The following LRP1B variants were observed in gnomAD, a reference collection of about 807,000 sequenced individuals.
The protein encoded by LRP1B is low-density lipoprotein receptor-related protein 1B.
A neutral mutation model predicts 556.6 loss-of-function variants in LRP1B; 217 were observed. That is an observed-to-expected ratio of 0.39 (90% CI 0.35 to 0.44). The LOEUF (loss-of-function observed/expected upper bound fraction) is 0.44, where lower values mean the gene tolerates loss of function less well. Ranked by LOEUF, LRP1B falls within the 20% of genes least tolerant of loss-of-function variation. The pLI, the probability that LRP1B is intolerant of heterozygous loss-of-function variation, is 1.00. For missense variants in LRP1B, 5,053 were observed against 5,620.8 expected (o/e 0.90, Z 3.23); for synonymous variants, 2,047 against 1,865.8 (o/e 1.10, Z -2.50).
At chr2:141,066,185 A>G (rs1482532333) in intron 7 of LRP1B, among the ~76,000 whole-genome samples, 1 of 151,990 alleles carries the variant, frequency 6.6e-6, no homozygotes, top group East Asian at 1.9e-4. Context: ...ATTTTTAATT[A>G]TTCATCCTGT....
At chr2:140,833,694 A>T (rs1029954054) in intron 31 of LRP1B, among the ~76,000 whole-genome samples, 5 of 152,110 alleles carry the variant, frequency 3.3e-5, no homozygotes, top group African/African-American at 1.2e-4. Context: ...GACTTACTGT[A>T]TATACATATA....
chr2:141,788,759 A>G lies in LRP1B; in HGVS notation c.205+21520T>C, dbSNP rs544282291. 1.8e-3 allele frequency among the ~76,000 whole-genome samples: 270 copies of G among 146,654 alleles called. 2 individuals are homozygous for G. The highest frequency in any genetic ancestry group is 5.6e-3 in the African/African-American group (221 of 39,322). On this transcript the variant is annotated intron_variant, in intron 2 of 90. Coordinates refer to ENST00000389484, the MANE Select transcript of LRP1B (RefSeq NM_018557.3). Reference sequence around the variant, plus strand: ...TGTGTCCATGTGTTCTCACTGTTCAATTCCCACCTATGAGCGAGAACATGC... The same window carrying G: ...TGTGTCCATGTGTTCTCACTGTTCAGTTCCCACCTATGAGCGAGAACATGC...
chr2:141,154,050 G>T (rs1270217325), intron 7 of LRP1B, among the ~76,000 whole-genome samples: 9 of 151,760 alleles, frequency 5.9e-5, no homozygotes, highest in African/African-American at 2.2e-4. Context: ...GAGGAGAGAG[G>T]TCTGCTATGT....
chr2:140,392,771 GTTTTA>G (rs1684078982), intron 66 of LRP1B, among the ~76,000 whole-genome samples: 1 of 152,006 alleles, frequency 6.6e-6, no homozygotes, highest in African/African-American at 2.4e-5. Flanking sequence ...AGTGCCAAAG[GTTTTA>G]TTTTAATCTG....
At chr2:140,239,388 C>T (rs186848555) in intron 88 of LRP1B, 54 bp downstream of exon 88, 2 of 1,084,116 alleles carry the variant, frequency 1.8e-6, no homozygotes, top group South Asian at 3.0e-5. Flanking sequence ...TATGTTTCTG[C>T]ACCTAGTTGT....
chr2:141,034,855 G>A (rs1325589644), intron 11 of LRP1B, among the ~76,000 whole-genome samples: 3 of 151,522 alleles, frequency 2.0e-5, no homozygotes, highest in Non-Finnish European at 4.4e-5. Flanking sequence ...TCCCATTACT[G>A]GGTATATACC....
intron 10 of LRP1B, among the ~76,000 whole-genome samples, chr2:141,051,083 T>C (rs1699021684): frequency 2.0e-5 from 3 of 152,028 alleles, no homozygotes; most frequent in African/African-American, 7.2e-5. Context: ...TGAGATACTA[T>C]CTCGCACCAG....
At chr2:141,764,457 C>T (rs1246563090) in intron 2 of LRP1B, among the ~76,000 whole-genome samples, 1 of 152,208 alleles carries the variant, frequency 6.6e-6, no homozygotes, top group African/African-American at 2.4e-5. Flanking sequence ...GCTGGGATTA[C>T]AGGCGTGAGC....
chr2:140,769,424 A>G, intron 34 of LRP1B, 80 bp from the exon 35 acceptor site: 2 of 1,344,420 alleles, frequency 1.5e-6, no homozygotes, highest in Non-Finnish European at 2.0e-6. Flanking sequence ...CATTTGTATT[A>G]TTTTTAACAA....
chr2:140,448,683 T>C (rs1686765857), intron 63 of LRP1B, among the ~76,000 whole-genome samples: 1 of 152,044 alleles, frequency 6.6e-6, no homozygotes, highest in Non-Finnish European at 1.5e-5. Flanking sequence ...AAGAGATCTA[T>C]TGTACATCTT....
Position 140,702,490 on chromosome 2 carries a change from T to C in LRP1B, c.6087A>G (p.Ser2029=), listed in dbSNP as rs755815861. The change falls in exon 38 of 91, where the codon TCA becomes TCG. Residue 2029 remains serine, a synonymous_variant. Transcript: ENST00000389484. The part of the protein sequence containing the change: ...PCIGKARLDG[S]EKVVLVSMGI... ...CCATGCTTACAAGGACAACCTTCTC[T>C]GAGCCATCCAAGCGAGCCTTTCCAA... 1.2e-6 allele frequency: 2 copies of C among 1,613,562 alleles called. No homozygotes were observed. The highest frequency in any genetic ancestry group is 2.2e-5 in the South Asian group (2 of 91,082).
chr2:141,720,027 A>C (rs899949539), intron 2 of LRP1B, among the ~76,000 whole-genome samples: 5 of 152,146 alleles, frequency 3.3e-5, no homozygotes, highest in Non-Finnish European at 5.9e-5. Flanking sequence ...AAAGGTATTC[A>C]TTAAAGAAGC....
rs1558885385 is a variant in LRP1B, at chr2:140,442,500, T to C, written c.10414+4A>G. ...AGATAAGACCCAGAGTCACAGACAC[T>C]CACCGCAGTTGGCCTCGTCTGATGC... On this transcript the variant is annotated splice_donor_region_variant and intron_variant, in intron 66 of 90. Transcript: ENST00000389484. 1 of 1,610,810 alleles carries C rather than the reference T, an allele frequency of 6.2e-7. No homozygotes were observed. The highest frequency in any genetic ancestry group is 1.7e-5 in the Admixed American group (1 of 59,396).
intron 18 of LRP1B, among the ~76,000 whole-genome samples, chr2:140,959,538 AT>A (rs1008433106): frequency 2.0e-5 from 3 of 151,710 alleles, no homozygotes. Flanking sequence ...ATGAATTTAG[AT>A]TTTTTATCCC....
chr2:141,827,027 G>A (rs940224871), intron 1 of LRP1B, among the ~76,000 whole-genome samples: 84 of 152,172 alleles, frequency 5.5e-4, no homozygotes, highest in African/African-American at 1.9e-3. Flanking sequence ...GAGATGCTAG[G>A]AAAAATTCTA....
At chr2:140,519,987 G>C (rs1175099049) in intron 49 of LRP1B, among the ~76,000 whole-genome samples, 1 of 152,176 alleles carries the variant, frequency 6.6e-6, no homozygotes. Context: ...AGGATGTGGA[G>C]AAATAGGAAT....
At chr2:142,062,366 G>A (rs1231516024) in intron 1 of LRP1B, among the ~76,000 whole-genome samples, 2 of 151,816 alleles carry the variant, frequency 1.3e-5, no homozygotes, top group African/African-American at 4.8e-5. Flanking sequence ...AAATAAATCT[G>A]CAAGGTCTTT....
intron 7 of LRP1B, among the ~76,000 whole-genome samples, chr2:141,143,169 T>A (rs971697499): frequency 1.3e-5 from 2 of 152,126 alleles, no homozygotes; most frequent in African/African-American, 4.8e-5. Flanking sequence ...GACCTCGTGA[T>A]CCACCCCACT....
intron 2 of LRP1B, among the ~76,000 whole-genome samples, chr2:141,732,265 G>A (rs1693302401): frequency 6.6e-6 from 1 of 152,126 alleles, no homozygotes; most frequent in South Asian, 2.1e-4. Context: ...AAAAAAATCT[G>A]TAACTGTTCC....
Sources: allele counts gnomAD v4.1 joint callset (sites outside exome capture counted in the v4.1 genomes callset), GRCh38; gene constraint gnomAD v4.1.1; transcripts MANE v1.5; gene names NCBI Gene and HGNC (gene_info 2026-07-23, HGNC 2026-07-21).